Variants in C1orf21 observed in about 807,000 individuals in gnomAD.
C1orf21 encodes uncharacterized protein C1orf21.
Under a neutral mutation model 18.7 loss-of-function variants are expected in C1orf21, and 3 were observed. The observed-to-expected ratio is 0.16, with a 90% CI of 0.07 to 0.42. C1orf21 has a LOEUF of 0.42. Among genes scored for constraint, C1orf21 ranks in the 10% least tolerant of loss-of-function variants. The pLI is 0.99. For synonymous variants in C1orf21, 41 were observed against 46.4 expected (o/e 0.88, Z 0.47); for missense variants, 104 against 143.6 (o/e 0.72, Z 1.41).
intron 3 of C1orf21, among the ~76,000 whole-genome samples, chr1:184,517,251 A>C (rs913324456): frequency 7.9e-5 from 12 of 152,198 alleles, no homozygotes; most frequent in African/African-American, 2.9e-4. Flanking sequence ...ATATTCTCAT[A>C]TTTAGGAACC....
intron 1 of C1orf21, among the ~76,000 whole-genome samples, chr1:184,452,557 G>A (rs902142073): frequency 6.6e-6 from 1 of 152,204 alleles, no homozygotes; most frequent in African/African-American, 2.4e-5. Flanking sequence ...GTGGCAAGAA[G>A]AGGGCGTAAC....
intron 1 of C1orf21, among the ~76,000 whole-genome samples, chr1:184,455,051 T>C (rs945347484): frequency 3.3e-5 from 5 of 152,190 alleles, no homozygotes; most frequent in African/African-American, 9.6e-5. Context: ...ATCAATTATG[T>C]ATTTGTCTCA....
At chr1:184,527,836 G>T (rs1205232414) in intron 3 of C1orf21, among the ~76,000 whole-genome samples, 1 of 152,114 alleles carries the variant, frequency 6.6e-6, no homozygotes, top group Non-Finnish European at 1.5e-5. Context: ...TCTGAGATAA[G>T]GTCAGGAAAG....
At chr1:184,399,264 T>G (rs1331769309) in intron 1 of C1orf21, among the ~76,000 whole-genome samples, 1 of 152,124 alleles carries the variant, frequency 6.6e-6, no homozygotes, top group Non-Finnish European at 1.5e-5. Flanking sequence ...TGTTTCCTCA[T>G]GTATTTCCTG....
intron 3 of C1orf21, among the ~76,000 whole-genome samples, chr1:184,586,428 C>T (rs1228292133): frequency 6.6e-6 from 1 of 151,786 alleles, no homozygotes; most frequent in Non-Finnish European, 1.5e-5. Flanking sequence ...GGACTACAGG[C>T]GCCCGCCACC....
At chr1:184,513,545 C>A (rs372036463) in intron 3 of C1orf21, among the ~76,000 whole-genome samples, 2 of 152,030 alleles carry the variant, frequency 1.3e-5, no homozygotes, top group Admixed American at 6.6e-5. Context: ...CTCTGCAAAT[C>A]TCTCTCTGAA....
intron 3 of C1orf21, among the ~76,000 whole-genome samples, chr1:184,527,267 C>CTT (rs1658391334): frequency 6.6e-6 from 1 of 152,150 alleles, no homozygotes; most frequent in Non-Finnish European, 1.5e-5. Flanking sequence ...TCAAGTGTGG[C>CTT]AGCTATGCTT....
rs373910268 is a variant in C1orf21 at position 184,421,686 on chromosome 1, CAGAT to C, written c.-125+34319_-125+34322del. On this transcript the variant is annotated intron_variant, in intron 1 of 5. Transcript: ENST00000235307. ...CTCCTTTTCTGTTTTTTTAACTACT[CAGAT>C]GGAGTTACAGTCTTAAAAAATAAAT... 7.9e-4 allele frequency among the ~76,000 whole-genome samples: 120 copies of C among 152,210 alleles called. 1 individual carries two copies. Among genetic ancestry groups the C allele is most frequent in the African/African-American group, 2.7e-3 (112 of 41,520 alleles).
At chr1:184,394,936 A>T (rs188658521) in intron 1 of C1orf21, among the ~76,000 whole-genome samples, 2 of 151,380 alleles carry the variant, frequency 1.3e-5, no homozygotes, top group Non-Finnish European at 2.9e-5. Context: ...TCTAGATGCG[A>T]CTCCCAAAAC....
At chr1:184,421,686 C>G (rs1656549357) in intron 1 of C1orf21, among the ~76,000 whole-genome samples, 1 of 152,092 alleles carries the variant, frequency 6.6e-6, no homozygotes, top group Non-Finnish European at 1.5e-5. Context: ...TTTAACTACT[C>G]AGATGGAGTT....
chr1:184,530,600 CTTTT>C (rs1184327589), intron 3 of C1orf21, among the ~76,000 whole-genome samples: 3 of 111,464 alleles, frequency 2.7e-5, no homozygotes, highest in Non-Finnish European at 5.6e-5. Flanking sequence ...TTTCTTTTTT[CTTTT>C]TTTTTTTTTT....
chr1:184,410,628 T>TTATATATATA (rs1656321685), intron 1 of C1orf21, among the ~76,000 whole-genome samples: 1 of 2,674 alleles, frequency 3.7e-4, no homozygotes, highest in African/African-American at 8.8e-3. Flanking sequence ...TATATATATA[T>TTATATATATA]ATATATATAT....
intron 3 of C1orf21, among the ~76,000 whole-genome samples, chr1:184,575,760 C>T (rs1453955380): frequency 6.6e-6 from 1 of 151,982 alleles, no homozygotes; most frequent in East Asian, 1.9e-4. Context: ...TTAGCTATGG[C>T]TTCTCTTCTC....
In C1orf21 at chr1:184,551,545, A is replaced by G. The variant is rs187397333; in HGVS notation, c.190-39194A>G. 2.6e-4 allele frequency among the ~76,000 whole-genome samples: 39 copies of G among 152,338 alleles called. 1 individual carries two copies. The East Asian group carries it at 6.6e-3, about 26-fold the overall frequency. On this transcript the variant is annotated intron_variant, in intron 3 of 5. Transcript: ENST00000235307. ...ATTCTGGAAGGACCAGGATCTGGGC[A>G]CTGAATCTGAGGATCTTCCCTCACT...
chr1:184,595,713 A>G (rs994151237), intron 4 of C1orf21, among the ~76,000 whole-genome samples: 1 of 152,098 alleles, frequency 6.6e-6, no homozygotes, highest in Non-Finnish European at 1.5e-5. Context: ...TCCCCCGGCA[A>G]TGTCTGACAC....
intron 1 of C1orf21, among the ~76,000 whole-genome samples, chr1:184,476,216 C>G (rs1382630109): frequency 1.3e-5 from 2 of 152,122 alleles, no homozygotes; most frequent in African/African-American, 4.8e-5. Context: ...GTAGAGAAAG[C>G]TTATAGCTAC....
chr1:184,517,276 T>A (rs1658245392), intron 3 of C1orf21, among the ~76,000 whole-genome samples: 1 of 152,206 alleles, frequency 6.6e-6, no homozygotes, highest in African/African-American at 2.4e-5. Flanking sequence ...ACAAGTCCAT[T>A]TGAACTCTTT....
intron 1 of C1orf21, among the ~76,000 whole-genome samples, chr1:184,397,502 C>T (rs1656078799): frequency 1.3e-5 from 2 of 151,798 alleles, no homozygotes; most frequent in Admixed American, 1.3e-4. Context: ...AGGAGAATGT[C>T]GTGAACCCAG....
chr1:184,450,149 G>A (rs1226863300), intron 1 of C1orf21, among the ~76,000 whole-genome samples: 2 of 152,116 alleles, frequency 1.3e-5, no homozygotes, highest in East Asian at 1.9e-4. Context: ...AAGGTGTGGG[G>A]TCACCTTGTA....
Sources: allele counts gnomAD v4.1 joint callset (sites outside exome capture counted in the v4.1 genomes callset), GRCh38; gene constraint gnomAD v4.1.1; transcripts MANE v1.5; gene names NCBI Gene and HGNC (gene_info 2026-07-23, HGNC 2026-07-21).